The following CDC73 variants were observed in gnomAD, a reference collection of about 807,000 sequenced individuals.
CDC73 encodes the protein cell division cycle 73.
Under a neutral mutation model 83.7 loss-of-function variants are expected in CDC73, and 21 were observed. The observed-to-expected ratio is 0.25, with a 90% CI of 0.18 to 0.36. The LOEUF is 0.36. Among genes scored for constraint, CDC73 ranks in the 10% least tolerant of loss-of-function variants. CDC73 has a pLI of 1.00. For synonymous variants in CDC73, 224 were observed against 212.9 expected (o/e 1.05, Z -0.45); for missense variants, 342 against 653.3 (o/e 0.52, Z 5.19).
At chr1:193,166,462 C>T (rs903398154) in intron 10 of CDC73, among the ~76,000 whole-genome samples, 2 of 151,868 alleles carry the variant, frequency 1.3e-5, no homozygotes, top group Non-Finnish European at 2.9e-5. Flanking sequence ...TTCATTATTG[C>T]CTTACATTTT....
intron 10 of CDC73, chr1:193,179,935 TGAAG>T (rs1177092093): frequency 1.3e-5 from 2 of 158,486 alleles, no homozygotes; most frequent in Non-Finnish European, 2.8e-5. Flanking sequence ...TAATCTAAAA[TGAAG>T]GATCTTTTGA....
intron 2 of CDC73, among the ~76,000 whole-genome samples, chr1:193,129,059 G>A (rs557309837): frequency 1.7e-3 from 260 of 149,568 alleles, no homozygotes; most frequent in African/African-American, 6.0e-3. Context: ...GTACAGTGGC[G>A]TGATCTCGGC....
In CDC73 at chr1:193,122,052, G is replaced by C; in HGVS notation, c.-149G>C. ...GGTGGCTACTGCCCCTGCTGCTGTC[G>C]TAGGCGAGGACGGCTGTTAGTGCTG... On this transcript the variant is annotated 5_prime_UTR_variant, in exon 1 of 17. Coordinates refer to ENST00000367435, the MANE Select transcript of CDC73 (RefSeq NM_024529.5). The C allele has an allele frequency of 1.4e-6, 1 of 724,412 alleles. No homozygotes were observed. The highest frequency in any genetic ancestry group is 2.4e-6 in the Non-Finnish European group (1 of 421,294). 44.9% of individuals were successfully genotyped at this position (724,412 alleles called of 1,614,324 possible).
Position 193,151,061 on chromosome 1 carries a change from A to G in CDC73, c.907+679A>G, listed in dbSNP as rs115120399. Among the ~76,000 whole-genome samples the G allele has an allele frequency of 9.4e-3, 1,437 of 152,332 alleles. 15 individuals carry two copies. The highest frequency in any genetic ancestry group is 0.034 in the South Asian group (164 of 4,832). On this transcript the variant is annotated intron_variant, in intron 9 of 16. Transcript: ENST00000367435. The stretch of plus-strand genomic sequence containing the variant: ...GGGAGGACTTACTTTGTGATAGTCT[A>G]CGTGGTATTCTGGCTAATGCAATAA...
chr1:193,158,406 A>G lies in CDC73; in HGVS notation c.972+5962A>G, dbSNP rs563310738. ...GGACAGGATGGTGGCTCACAGCTAT[A>G]ATCCTAGAACTTTGGGAGGCTGAGG... On this transcript the variant is annotated intron_variant, in intron 10 of 16. Coordinates refer to ENST00000367435, the MANE Select transcript of CDC73 (RefSeq NM_024529.5). Among the ~76,000 whole-genome samples the G allele has an allele frequency of 3.9e-5, 6 of 152,160 alleles. No individual in the cohort carries two copies. In the East Asian group the frequency reaches 1.2e-3, roughly 29 times the overall value.
chr1:193,250,776 A>G lies in CDC73; in HGVS notation c.*64A>G. The G allele has an allele frequency of 7.3e-7, 1 of 1,365,904 alleles. No individual in the cohort carries two copies. The highest frequency in any genetic ancestry group is 1.0e-6 in the Non-Finnish European group (1 of 955,736). The allele number at this position is 1,365,904 out of a possible 1,614,324, so 84.6% of individuals were successfully genotyped here. A position where few individuals can be genotyped will look rare whatever the true frequency, so the allele number is the denominator to read the frequency against. ...GCTTTATGAATTTATCAAGAACTTA[A>G]AAATGAAGAAGGTCACAGATTGATC... is the stretch of plus-strand genomic sequence containing the variant. On this transcript the variant is annotated 3_prime_UTR_variant, in exon 17 of 17. Transcript: ENST00000367435.
At chr1:193,147,182 C>G (rs1047845011) in intron 7 of CDC73, among the ~76,000 whole-genome samples, 2 of 151,514 alleles carry the variant, frequency 1.3e-5, no homozygotes, top group Non-Finnish European at 2.9e-5. Flanking sequence ...TTGGTAGAGA[C>G]GGGATTTCAC....
At chr1:193,210,374 A>G (rs1475101995) in intron 11 of CDC73, among the ~76,000 whole-genome samples, 1 of 152,206 alleles carries the variant, frequency 6.6e-6, no homozygotes, top group Non-Finnish European at 1.5e-5. Context: ...CTGACATTGA[A>G]TTAGAATTTT....
chr1:193,148,029 A>G, intron 8 of CDC73, 64 bp downstream of exon 8: 3 of 1,018,664 alleles, frequency 2.9e-6, no homozygotes, highest in South Asian at 1.3e-5. Context: ...GCAGTGTAGT[A>G]ACGTTGAAGA....
At chr1:193,236,579 T>A (rs569184280) in intron 15 of CDC73, among the ~76,000 whole-genome samples, 1 of 152,266 alleles carries the variant, frequency 6.6e-6, no homozygotes, top group Admixed American at 6.5e-5. Context: ...TCCCACAACA[T>A]TACTAATTAT....
At chr1:193,235,851 A>G (rs900048886) in intron 14 of CDC73, among the ~76,000 whole-genome samples, 1 of 152,200 alleles carries the variant, frequency 6.6e-6, no homozygotes, top group Non-Finnish European at 1.5e-5. Context: ...AATATTTAAG[A>G]TGTGTTTGAA....
At chr1:193,207,265 A>G (rs1354726207) in intron 11 of CDC73, among the ~76,000 whole-genome samples, 1 of 152,196 alleles carries the variant, frequency 6.6e-6, no homozygotes, top group Non-Finnish European at 1.5e-5. Flanking sequence ...ACATGCTTCA[A>G]AGGGCAATAA....
At chr1:193,238,819 GTT>G (rs1677809464) in intron 15 of CDC73, among the ~76,000 whole-genome samples, 1 of 152,184 alleles carries the variant, frequency 6.6e-6, no homozygotes, top group Non-Finnish European at 1.5e-5. Flanking sequence ...GTGGGAGTGG[GTT>G]ATCATAAAGG....
intron 10 of CDC73, among the ~76,000 whole-genome samples, chr1:193,166,211 A>G (rs950291208): frequency 1.3e-5 from 2 of 152,016 alleles, no homozygotes; most frequent in African/African-American, 4.8e-5. Context: ...TCTGTCACCC[A>G]GGCTGGAATG....
intron 10 of CDC73, among the ~76,000 whole-genome samples, chr1:193,197,683 T>C (rs374728275): frequency 9.8e-4 from 149 of 152,130 alleles, no homozygotes; most frequent in Non-Finnish European, 4.9e-4. Context: ...CCCAGCACTT[T>C]GGGAGGCTGA....
At chr1:193,145,404 TAAG>T (rs1292956718) in intron 7 of CDC73, among the ~76,000 whole-genome samples, 1 of 152,132 alleles carries the variant, frequency 6.6e-6, no homozygotes, top group Non-Finnish European at 1.5e-5. Flanking sequence ...TATGACCAAA[TAAG>T]AAAGCACAAT....
chr1:193,164,952 T>G (rs1166116795), intron 10 of CDC73, among the ~76,000 whole-genome samples: 4 of 152,238 alleles, frequency 2.6e-5, no homozygotes, highest in African/African-American at 9.6e-5. Flanking sequence ...AGCGATAGAC[T>G]GACCTTTCTG....
At position 193,233,085 on chromosome 1, in the gene CDC73, G is replaced by C. The variant is rs1553291033; in HGVS notation, c.1247G>C (p.Gly416Ala). ...AGAAAAGACCAGATGCAACCAGGGG[G>C]CACTGCAATTAGTGTTACAGTACCT... ...QRRKDQMQPGGTAISVTVPYR... is the reference protein window; with the variant it reads ...QRRKDQMQPGATAISVTVPYR... Residue 416 changes from glycine (G) to alanine (A), a missense_variant, in exon 14 of 17, where the codon GGC (glycine) becomes GCC (alanine). By Grantham distance (60) the Gly-to-Ala change is moderately conservative (BLOSUM62 0). Coordinates refer to ENST00000367435, the MANE Select transcript of CDC73 (RefSeq NM_024529.5). 13 of 1,613,204 alleles carry C rather than the reference G, an allele frequency of 8.1e-6. No homozygotes were observed. The highest frequency in any genetic ancestry group is 1.1e-5 in the Non-Finnish European group (13 of 1,179,204).
chr1:193,187,102 T>TTCCCCCCCCC (rs1553285108), intron 10 of CDC73, among the ~76,000 whole-genome samples: 2 of 32,876 alleles, frequency 6.1e-5, no homozygotes, highest in African/African-American at 1.0e-4. Context: ...GTAATTTAGA[T>TTCCCCCCCCC]CCCCCCCCCC....
Sources: gnomAD v4.1 joint callset for allele counts (sites outside exome capture counted in the v4.1 genomes callset) on GRCh38, gnomAD v4.1.1 for gene constraint, MANE v1.5 for transcripts, NCBI Gene and HGNC (gene_info 2026-07-23, HGNC 2026-07-21) for gene names.